Variants in CEP63 observed in about 807,000 individuals in gnomAD.
CEP63 encodes centrosomal protein of 63 kDa.
In CEP63, 84 loss-of-function variants were observed where a neutral mutation model predicts 89.1. The ratio of observed to expected loss-of-function variants is 0.94; its 90% CI spans 0.79 to 1.13. CEP63 has a LOEUF of 1.13. Among genes scored for constraint, CEP63 ranks in the 50% most tolerant of loss-of-function variants. The probability of loss-of-function intolerance (pLI) is 0.00; values close to 1 mark genes in which losing one functional copy is unlikely to be tolerated. For missense variants in CEP63, 838 were observed against 813.3 expected (o/e 1.03, Z -0.37); for synonymous variants, 267 against 272.5 (o/e 0.98, Z 0.20).
chr3:134,630,972 A>G, the CEP63 span, among the ~76,000 whole-genome samples: 1 of 152,236 alleles, frequency 6.6e-6, no homozygotes, highest in Non-Finnish European at 1.5e-5. Context: ...TTCTCTGGAT[A>G]TACTCAATAG....
chr3:134,497,552 A>T (rs1251472783), intron 2 of CEP63, among the ~76,000 whole-genome samples: 1 of 151,114 alleles, frequency 6.6e-6, no homozygotes, highest in Non-Finnish European at 1.5e-5. Flanking sequence ...TTTTTTTTTT[A>T]AGAGATGAGA....
chr3:134,721,060 G>C, the CEP63 span, among the ~76,000 whole-genome samples: 8 of 152,066 alleles, frequency 5.3e-5, no homozygotes, highest in Non-Finnish European at 1.0e-4. Context: ...AATTTGGGGA[G>C]TATTGCCATC....
downstream of CEP63, among the ~76,000 whole-genome samples, chr3:134,589,413 G>C (rs1365773920): frequency 6.6e-6 from 1 of 152,150 alleles, no homozygotes; most frequent in African/African-American, 2.4e-5. Context: ...ATCTGGAATA[G>C]TGAAATATTG....
At chr3:134,644,142 A>G in the CEP63 span, among the ~76,000 whole-genome samples, 9 of 152,180 alleles carry the variant, frequency 5.9e-5, no homozygotes, top group East Asian at 1.5e-3. Context: ...CTGCTTCTTA[A>G]TGAGAAGAAC....
the CEP63 span, among the ~76,000 whole-genome samples, chr3:134,677,783 G>A: frequency 4.1e-4 from 62 of 152,062 alleles, no homozygotes; most frequent in African/African-American, 1.4e-3. Flanking sequence ...TTGTTTGGAA[G>A]CACCCCCATG....
intron 5 of CEP63, chr3:134,535,519 A>G (rs1181564329): frequency 8.1e-6 from 1 of 124,022 alleles, no homozygotes; most frequent in African/African-American, 3.0e-5. Flanking sequence ...TTTCCTATCT[A>G]CGCTCACTCC....
intron 5 of CEP63, chr3:134,536,225 G>T (rs1275279273): frequency 6.6e-6 from 1 of 152,278 alleles, no homozygotes; most frequent in African/African-American, 2.4e-5. Flanking sequence ...CAAGAAATGT[G>T]TCATCTGTTG....
intron 3 of CEP63, among the ~76,000 whole-genome samples, chr3:134,511,648 A>C (rs1180061419): frequency 1.3e-5 from 2 of 152,208 alleles, no homozygotes; most frequent in Admixed American, 1.3e-4. Flanking sequence ...GTGAGGCCTC[A>C]GGAAACTTAA....
At chr3:134,779,078 A>C in the CEP63 span, among the ~76,000 whole-genome samples, 1 of 152,236 alleles carries the variant, frequency 6.6e-6, no homozygotes, top group Non-Finnish European at 1.5e-5. Context: ...GTCTACATTT[A>C]ATATTAGTGA....
At chr3:134,559,046 T>C (rs916568476) in intron 13 of CEP63, 104 bp from the exon 14 acceptor site, 3 of 1,168,612 alleles carry the variant, frequency 2.6e-6, no homozygotes, top group Non-Finnish European at 3.7e-6. Flanking sequence ...TTGTAAATTG[T>C]AGCCTTATTA....
At chr3:134,553,108 T>C (rs1423961314) in intron 12 of CEP63, 6 of 152,202 alleles carry the variant, frequency 3.9e-5, no homozygotes, top group African/African-American at 1.4e-4. Flanking sequence ...TAAATGCTTT[T>C]TTCCTGCATT....
chr3:134,589,414 T>G (rs1214074858), downstream of CEP63, among the ~76,000 whole-genome samples: 1 of 152,098 alleles, frequency 6.6e-6, no homozygotes, highest in East Asian at 1.9e-4. Flanking sequence ...TCTGGAATAG[T>G]GAAATATTGA....
At chr3:134,746,076 C>CA in the CEP63 span, among the ~76,000 whole-genome samples, 13 of 151,894 alleles carry the variant, frequency 8.6e-5, no homozygotes, top group Non-Finnish European at 1.8e-4. Flanking sequence ...CCACCCCCCC[C>CA]ACCCCATGAC....
chr3:134,504,109 C>T (rs984812179), intron 2 of CEP63, among the ~76,000 whole-genome samples: 3 of 143,986 alleles, frequency 2.1e-5, no homozygotes, highest in Admixed American at 2.0e-4. Flanking sequence ...TTTGGTCTCT[C>T]TCTCTTTTTT....
chr3:134,580,508 C>T (rs958781163), intron 10 of CEP63, among the ~76,000 whole-genome samples: 2 of 149,560 alleles, frequency 1.3e-5, no homozygotes, highest in African/African-American at 5.0e-5. Context: ...CCAACCATAA[C>T]TAAATTCATG....
intron 2 of CEP63, among the ~76,000 whole-genome samples, chr3:134,498,487 T>C (rs1341897967): frequency 6.6e-6 from 1 of 152,228 alleles, no homozygotes; most frequent in Non-Finnish European, 1.5e-5. Context: ...GTATGTCAGA[T>C]TATGTTGTAC....
At chr3:134,568,480 A>G (rs73221376), downstream of CEP63, among the ~76,000 whole-genome samples, 567 of 152,328 alleles carry the variant, frequency 3.7e-3, 1 homozygote, top group Middle Eastern at 0.02. Context: ...TGGCTGGGGC[A>G]GGAGCTCAGT....
At chr3:134,542,841 T>G in intron 6 of CEP63, among the ~76,000 whole-genome samples, 1 of 152,138 alleles carries the variant, frequency 6.6e-6, no homozygotes, top group African/African-American at 2.4e-5. Flanking sequence ...TGCTGTGATT[T>G]GTATTGTTGA....
the CEP63 span, among the ~76,000 whole-genome samples, chr3:134,728,125 A>G: frequency 6.6e-6 from 1 of 152,194 alleles, no homozygotes; most frequent in East Asian, 1.9e-4. Context: ...TAACCTCACT[A>G]AAAAATTAAA....
Sources: allele counts gnomAD v4.1 joint callset (sites outside exome capture counted in the v4.1 genomes callset), GRCh38; gene constraint gnomAD v4.1.1; transcripts MANE v1.5; gene names NCBI Gene and HGNC (gene_info 2026-07-23, HGNC 2026-07-21).